The following TRIM3 variants were observed in gnomAD, a reference collection of about 807,000 sequenced individuals.
TRIM3 encodes the protein tripartite motif-containing protein 3.
A neutral mutation model predicts 66.6 loss-of-function variants in TRIM3; 13 were observed. That is an observed-to-expected ratio of 0.20 (90% CI 0.13 to 0.31). TRIM3 has a LOEUF of 0.31. Among genes scored for constraint, TRIM3 ranks in the 10% least tolerant of loss-of-function variants. The probability of loss-of-function intolerance (pLI) is 1.00; values close to 1 mark genes in which losing one functional copy is unlikely to be tolerated. For synonymous variants in TRIM3, 406 were observed against 411.7 expected (o/e 0.99, Z 0.17); for missense variants, 711 against 1,020.4 (o/e 0.70, Z 4.13).
At chr11:6,453,769 CTCAG>C (rs1849839726) in intron 7 of TRIM3, among the ~76,000 whole-genome samples, 1 of 152,246 alleles carries the variant, frequency 6.6e-6, no homozygotes, top group African/African-American at 2.4e-5. Flanking sequence ...GCTGGTTCCA[CTCAG>C]TGAGGTCTGC....
In TRIM3 at chr11:6,449,042, G is replaced by A. The variant is rs1018082118; in HGVS notation, c.2221C>T (p.Arg741Cys). ...CCTCTGTACAGCTACTGGAGGTAGC[G>A]ATAGGCTTTAAAGCAGTGGTTGCCA... ...DAGNHCFKAY[R>C]YLQ The change falls in exon 12 of 12, where the codon CGC becomes TGC. Residue 741 changes from arginine (R) to cysteine (C), a missense_variant. Around this residue, in one of 3 missense-constraint regions of TRIM3, gnomAD observed 163 missense variants for 321.9 expected, o/e 0.51. Transcript: ENST00000345851. The surrounding 1 kb of genome is among the most constrained non-coding windows in gnomAD (Gnocchi z 5.3). The A allele has an allele frequency of 5.6e-6, 9 of 1,614,124 alleles. No individual in the cohort carries two copies. Among genetic ancestry groups the A allele is most frequent in the Non-Finnish European group, 7.6e-6 (9 of 1,179,980 alleles).
intron 1 of TRIM3, among the ~76,000 whole-genome samples, chr11:6,467,424 G>C (rs781127684): frequency 9.9e-5 from 15 of 152,152 alleles, no homozygotes; most frequent in Non-Finnish European, 1.8e-4. Flanking sequence ...GTGAGTTTGG[G>C]AAGATAGGTA....
Position 6,457,681 on chromosome 11 carries a change from C to G in TRIM3, c.515+15G>C. 6.2e-7 allele frequency: 1 copy of G among 1,607,920 alleles called. No individual in the cohort carries two copies. Among genetic ancestry groups the G allele is most frequent in the South Asian group, 1.1e-5 (1 of 90,812 alleles). The stretch of plus-strand genomic sequence containing the variant: ...CCTGTGGCCCCACCAGCCCAGGACC[C>G]TGCCCAGTGCCTACCGGCCACGCAC... On this transcript the variant is annotated intron_variant, in intron 4 of 11. Coordinates refer to ENST00000345851, the MANE Select transcript of TRIM3 (RefSeq NM_033278.4). This position sits in a 1 kb window ranked among gnomAD's most constrained non-coding sequence, Gnocchi z 4.5.
chr11:6,465,883 A>T (rs959079743), intron 1 of TRIM3, among the ~76,000 whole-genome samples, 151 bp from the exon 2 acceptor site: 2 of 152,160 alleles, frequency 1.3e-5, no homozygotes, highest in Non-Finnish European at 2.9e-5. Context: ...GGGTGATGTG[A>T]CCTCTGAGCC....
chr11:6,457,536 C>T lies in TRIM3; in HGVS notation c.516-60G>A. Reference sequence around the variant, plus strand: ...GGGTGGCTTTGCCGAACTTTCCCTTCTCCCTGGGGAACCTACTGCTGCCCT... The same window carrying T: ...GGGTGGCTTTGCCGAACTTTCCCTTTTCCCTGGGGAACCTACTGCTGCCCT... On this transcript the variant is annotated intron_variant, in intron 4 of 11. Transcript: ENST00000345851. The surrounding 1 kb of genome is among the most constrained non-coding windows in gnomAD (Gnocchi z 4.5). The T allele has an allele frequency of 6.3e-7, 1 of 1,586,934 alleles. No individual in the cohort carries two copies. The highest frequency in any genetic ancestry group is 1.1e-5 in the South Asian group (1 of 87,712).
In TRIM3 at chr11:6,451,334, G is replaced by A. The variant is rs114241674; in HGVS notation, c.1638C>T (p.Asp546=). The change falls in exon 8 of 12, where the codon GAC becomes GAT. Residue 546 remains aspartate, a synonymous_variant. Transcript: ENST00000345851. ...PTGVAVDTNG[D]IIVADYDNRW... Reference sequence around the variant, plus strand: ...GGTTGTCATAGTCTGCCACAATTATGTCTCCATTGGTGTCCACTGCCACAC... The same window carrying A: ...GGTTGTCATAGTCTGCCACAATTATATCTCCATTGGTGTCCACTGCCACAC... The A allele has an allele frequency of 3.1e-6, 5 of 1,614,226 alleles. No individual in the cohort carries two copies. The African/African-American group carries it at 4.0e-5, about 13-fold the overall frequency.
chr11:6,450,453 A>T lies in TRIM3; in HGVS notation c.1941+98T>A. ...TAAATGTGTATTGTTTGAGTGAATG[A>T]TCTCAAAGGGGAAAAGGAGGAGGTA... On this transcript the variant is annotated intron_variant, in intron 10 of 11. Coordinates refer to ENST00000345851, the MANE Select transcript of TRIM3 (RefSeq NM_033278.4). The surrounding 1 kb of genome is among the most constrained non-coding windows in gnomAD (Gnocchi z 4.8). The T allele has an allele frequency of 9.5e-7, 1 of 1,055,114 alleles. No homozygotes were observed. The highest frequency in any genetic ancestry group is 1.5e-6 in the Non-Finnish European group (1 of 678,794). The allele number at this position is 1,055,114 out of a possible 1,614,324, so 65.4% of individuals were successfully genotyped here.
In TRIM3 at chr11:6,449,296, C is replaced by A. The variant is rs758063228; in HGVS notation, c.2082+10G>T. ...ACCGCCCCCTCATGTCATTCCCAGGCCTTACTCACCTGGATGCGGCTGTTG... is the reference window on the plus strand; with the variant it reads ...ACCGCCCCCTCATGTCATTCCCAGGACTTACTCACCTGGATGCGGCTGTTG... On this transcript the variant is annotated intron_variant, in intron 11 of 11. Coordinates refer to ENST00000345851, the MANE Select transcript of TRIM3 (RefSeq NM_033278.4). This position sits in a 1 kb window ranked among gnomAD's most constrained non-coding sequence, Gnocchi z 5.3. 1.7e-5 allele frequency: 27 copies of A among 1,613,284 alleles called. No homozygotes were observed. The Admixed American group carries it at 3.7e-4, about 22-fold the overall frequency.
rs554916152 is a variant in TRIM3 at position 6,454,718 on chromosome 11, C to T, written c.1533+1354G>A. Among the ~76,000 whole-genome samples the T allele has an allele frequency of 3.2e-4, 48 of 152,154 alleles. No homozygotes were observed. In the East Asian group the frequency reaches 8.1e-3, roughly 26 times the overall value. On this transcript the variant is annotated intron_variant, in intron 7 of 11. Transcript: ENST00000345851. ...TTAGAAATAGGGTAGGAGTAAAGGA[C>T]GACTGGACAGAACTGGGAATATGGC...
rs1031522410 is a variant in TRIM3 at position 6,456,501 on chromosome 11, C to A, written c.1225G>T (p.Val409Leu). Reference protein sequence around the residue: ...LLSVLLYGQPVRGSPFRVRAL... With the variant: ...LLSVLLYGQPLRGSPFRVRAL... The stretch of plus-strand genomic sequence containing the variant: ...CGCACGCGGAAGGGGCTGCCGCGCA[C>A]TGGCTGTCCGTAGAGCAGCACCGAG... The change falls in exon 6 of 12, where the codon GTG becomes TTG. Residue 409 changes from valine to leucine, a missense_variant. Coordinates refer to ENST00000345851, the MANE Select transcript of TRIM3 (RefSeq NM_033278.4). This position sits in a 1 kb window ranked among gnomAD's most constrained non-coding sequence, Gnocchi z 6.4. 1.3e-6 allele frequency: 2 copies of A among 1,576,470 alleles called. No individual in the cohort carries two copies. The highest frequency in any genetic ancestry group is 1.7e-6 in the Non-Finnish European group (2 of 1,155,410).
chr11:6,456,354 T>C lies in TRIM3; in HGVS notation c.1372A>G (p.Ser458Gly). ...TTGTCCTTTCGTTTGCCGCCTGTGCTGTACATGGAGCTGGGCCTACGCACT... is the reference window on the plus strand; with the variant it reads ...TTGTCCTTTCGTTTGCCGCCTGTGCCGTACATGGAGCTGGGCCTACGCACT... Reference protein sequence around the residue: ...KAVRRPSSMYSTGGKRKDNPI... With the variant: ...KAVRRPSSMYGTGGKRKDNPI... Residue 458 changes from serine (S) to glycine (G), a missense_variant, in exon 6 of 12, where the codon AGC becomes GGC. Transcript: ENST00000345851. The surrounding 1 kb of genome is among the most constrained non-coding windows in gnomAD (Gnocchi z 6.4). 6.5e-7 allele frequency: 1 copy of C among 1,539,260 alleles called. No individual in the cohort carries two copies.
intron 7 of TRIM3, among the ~76,000 whole-genome samples, chr11:6,454,703 G>A (rs1457514555): frequency 2.0e-5 from 3 of 152,086 alleles, no homozygotes; most frequent in Non-Finnish European, 4.4e-5. Flanking sequence ...TTAGAAATAG[G>A]GTAGGAGTAA....
rs1434073588 is a variant in TRIM3, at chr11:6,449,273, C to A, written c.2082+33G>T. 6.2e-7 allele frequency: 1 copy of A among 1,610,324 alleles called. No homozygotes were observed. The highest frequency in any genetic ancestry group is 1.1e-5 in the South Asian group (1 of 90,958). The stretch of plus-strand genomic sequence containing the variant: ...GGGCATATGGGACACACCAGGAAAC[C>A]GCCCCCTCATGTCATTCCCAGGCCT... On this transcript the variant is annotated intron_variant, in intron 11 of 11. Coordinates refer to ENST00000345851, the MANE Select transcript of TRIM3 (RefSeq NM_033278.4). The surrounding 1 kb of genome is among the most constrained non-coding windows in gnomAD (Gnocchi z 5.3).
chr11:6,449,679 T>C lies in TRIM3; in HGVS notation c.1942-233A>G, dbSNP rs1849641662. On this transcript the variant is annotated intron_variant, in intron 10 of 11. Coordinates refer to ENST00000345851, the MANE Select transcript of TRIM3 (RefSeq NM_033278.4). This position sits in a 1 kb window ranked among gnomAD's most constrained non-coding sequence, Gnocchi z 5.3. ...AGCTCATTTTCTTTGGGAAATCAGT[T>C]CTCTTAGTTCTCTATCTCAATGACT... The C allele has an allele frequency of 2.2e-6, 1 of 458,804 alleles. No individual in the cohort carries two copies. The highest frequency in any genetic ancestry group is 4.1e-5 in the South Asian group (1 of 24,212). The allele number at this position is 458,804 out of a possible 1,614,324, so 28.4% of individuals were successfully genotyped here.
chr11:6,450,392 A>G lies in TRIM3; in HGVS notation c.1941+159T>C, dbSNP rs1590812703. ...CATCACTGTATCTCCAGCTTCTAGC[A>G]TACTGCCTGGGACAAAGCAGCCATG... is the stretch of plus-strand genomic sequence containing the variant. On this transcript the variant is annotated intron_variant, in intron 10 of 11. Coordinates refer to ENST00000345851, the MANE Select transcript of TRIM3 (RefSeq NM_033278.4). This position sits in a 1 kb window ranked among gnomAD's most constrained non-coding sequence, Gnocchi z 4.8. 3.2e-5 allele frequency: 21 copies of G among 652,322 alleles called. No individual in the cohort carries two copies. The East Asian group carries it at 5.7e-4, about 18-fold the overall frequency. 40.4% of individuals were successfully genotyped at this position (652,322 alleles called of 1,614,324 possible). A position where few individuals can be genotyped will look rare whatever the true frequency, so the allele number is the denominator to read the frequency against.
In TRIM3 at chr11:6,456,487, G is replaced by A; in HGVS notation, c.1239C>T (p.Pro413=). ...LLYGQPVRGS[P]FRVRALRPGD... is the part of the protein sequence containing the mutation. Reference sequence around the variant, plus strand: ...CCGGACGCAGGGCACGCACGCGGAAGGGGCTGCCGCGCACTGGCTGTCCGT... The same window carrying A: ...CCGGACGCAGGGCACGCACGCGGAAAGGGCTGCCGCGCACTGGCTGTCCGT... The change falls in exon 6 of 12, where the codon CCC becomes CCT. Residue 413 remains proline, a synonymous_variant. Coordinates refer to ENST00000345851, the MANE Select transcript of TRIM3 (RefSeq NM_033278.4). This position sits in a 1 kb window ranked among gnomAD's most constrained non-coding sequence, Gnocchi z 6.4. 6.4e-7 allele frequency: 1 copy of A among 1,561,078 alleles called. No homozygotes were observed.
chr11:6,451,242 G>A, intron 8 of TRIM3, 29 bp downstream of exon 8: 2 of 1,613,460 alleles, frequency 1.2e-6, no homozygotes, highest in East Asian at 4.5e-5. Flanking sequence ...TGGACACCAG[G>A]GTAAGTAAAG....
Position 6,456,159 on chromosome 11 carries a change from C to T in TRIM3, c.1446G>A (p.Glu482=), listed in dbSNP as rs979658985. ...LVFRVGSRGR[E]KGEFTNLQGV... ...CTTGTAAATTGGTGAATTCACCTTT[C>T]TCCCTTCCACGACTGCCTGTGGGAA... Residue 482 remains glutamate, a synonymous_variant, in exon 7 of 12, where the codon GAG becomes GAA. Transcript: ENST00000345851. The surrounding 1 kb of genome is among the most constrained non-coding windows in gnomAD (Gnocchi z 6.4). 2 of 1,614,084 alleles carry T rather than the reference C, an allele frequency of 1.2e-6. No individual in the cohort carries two copies. The highest frequency in any genetic ancestry group is 2.7e-5 in the African/African-American group (2 of 74,914).
chr11:6,464,986 C>CAAAAAAA (rs544959608), intron 2 of TRIM3, among the ~76,000 whole-genome samples: 4 of 54,170 alleles, frequency 7.4e-5, no homozygotes, highest in Admixed American at 2.6e-4. Context: ...GACTCCATCT[C>CAAAAAAA]AAAAAAAAAA....
Sources: allele counts gnomAD v4.1 joint callset (sites outside exome capture counted in the v4.1 genomes callset), GRCh38; gene constraint gnomAD v4.1.1; regional missense constraint gnomAD v4.1.1; non-coding constraint Gnocchi (gnomAD v3.1); transcripts MANE v1.5; gene names NCBI Gene and HGNC (gene_info 2026-07-23, HGNC 2026-07-21).